The following TENM2 variants were observed in gnomAD, a reference collection of about 807,000 sequenced individuals.
TENM2 encodes the protein teneurin-2.
TENM2 carries 52 observed loss-of-function variants against 245.2 expected under a neutral mutation model. The observed-to-expected ratio is 0.21, with a 90% CI of 0.17 to 0.27. The LOEUF is 0.27. Among genes scored for constraint, TENM2 ranks in the 10% least tolerant of loss-of-function variants. The pLI is 1.00. For synonymous variants in TENM2, 1,363 were observed against 1,438.9 expected, an observed-to-expected ratio of 0.95 and a Z score of 1.19; for missense variants, 3,046 against 3,666.8, an observed-to-expected ratio of 0.83 and a Z score of 4.37.
chr5:167,692,575 A>G (rs1233576641), intron 2 of TENM2, among the ~76,000 whole-genome samples: 1 of 152,214 alleles, frequency 6.6e-6, no homozygotes, highest in Admixed American at 6.5e-5. Flanking sequence ...TATGTTACAG[A>G]CTATAAATTA....
chr5:168,124,907 T>C, exon 11 of TENM2: 5 of 1,613,180 alleles, frequency 3.1e-6, no homozygotes, highest in Non-Finnish European at 4.2e-6. Flanking sequence ...GGAGAATGCC[T>C]GTGCAGCCCT....
the TENM2 span, among the ~76,000 whole-genome samples, chr5:167,125,166 T>C: frequency 6.6e-6 from 1 of 152,148 alleles, no homozygotes; most frequent in African/African-American, 2.4e-5. Flanking sequence ...GAGATGTCAG[T>C]AGAGACATGG....
In TENM2 at chr5:167,610,630, A is replaced by G. The variant is rs1396947060; in HGVS notation, c.502+235157A>G. Among the ~76,000 whole-genome samples, 4 of 152,300 alleles carry G rather than the reference A, an allele frequency of 2.6e-5. No homozygotes were observed. In the East Asian group the frequency reaches 5.8e-4, roughly 22 times the overall value. Reference sequence around the variant, plus strand: ...AGGCTTCTTTTGAATTCACTCTTCCAAGTACTATAATAAGCTAGAGTGATA... The same window carrying G: ...AGGCTTCTTTTGAATTCACTCTTCCGAGTACTATAATAAGCTAGAGTGATA... On this transcript the variant is annotated intron_variant, in intron 2 of 28. Transcript: ENST00000518659.
the TENM2 span, among the ~76,000 whole-genome samples, chr5:167,018,689 A>G: frequency 6.6e-6 from 1 of 152,150 alleles, no homozygotes. Context: ...TGCCACAGAA[A>G]TATTTTGGAA....
At chr5:167,269,428 C>T in the TENM2 span, among the ~76,000 whole-genome samples, 3 of 151,978 alleles carry the variant, frequency 2.0e-5, no homozygotes, top group Admixed American at 6.6e-5. Flanking sequence ...TGTTATCATC[C>T]GTTTCTGGAT....
intron 3 of TENM2, among the ~76,000 whole-genome samples, chr5:167,937,258 T>C (rs1260694945): frequency 6.6e-6 from 1 of 152,276 alleles, no homozygotes; most frequent in African/African-American, 2.4e-5. Context: ...ATTACTATAC[T>C]TTGTTTATTC....
chr5:167,141,871 CA>C, the TENM2 span, among the ~76,000 whole-genome samples: 1 of 152,100 alleles, frequency 6.6e-6, no homozygotes, highest in African/African-American at 2.4e-5. Flanking sequence ...ATAGCAAGGA[CA>C]AAAGGAATTT....
chr5:167,101,940 T>TATATA, the TENM2 span, among the ~76,000 whole-genome samples: 1 of 112,444 alleles, frequency 8.9e-6, no homozygotes, highest in African/African-American at 4.0e-5. Context: ...ATATATATAT[T>TATATA]TTTTTTTTTT....
At chr5:167,273,164 C>T in the TENM2 span, among the ~76,000 whole-genome samples, 5 of 152,132 alleles carry the variant, frequency 3.3e-5, no homozygotes, top group African/African-American at 9.7e-5. Context: ...CAGGCAAGAT[C>T]GCTGTAGTCT....
At chr5:168,250,152 ATGGATGGATGGATGGATGGG>A (rs1766984356) in intron 27 of TENM2, among the ~76,000 whole-genome samples, 1 of 131,470 alleles carries the variant, frequency 7.6e-6, no homozygotes, top group African/African-American at 2.9e-5. Flanking sequence ...GGATGGATGG[ATGGATGGATGGATGGATGGG>A]TAAATAGATG....
At chr5:167,289,813 T>G (rs1197149783) in intron 1 of TENM2, among the ~76,000 whole-genome samples, 1 of 152,218 alleles carries the variant, frequency 6.6e-6, no homozygotes, top group East Asian at 1.9e-4. Flanking sequence ...ACTTTGGAAA[T>G]TGTAAATATT....
intron 6 of TENM2, among the ~76,000 whole-genome samples, chr5:168,056,925 G>C (rs1176556036): frequency 1.3e-5 from 2 of 151,988 alleles, no homozygotes; most frequent in Non-Finnish European, 1.5e-5. Context: ...ATATAGCCTA[G>C]GTATGTAGTA....
At chr5:168,216,884 C>T (rs1293491981) in exon 22 of TENM2, 3 of 1,613,960 alleles carry the variant, frequency 1.9e-6, no homozygotes, top group Non-Finnish European at 2.5e-6. Context: ...CACTGCCGTC[C>T]GGCCGCTGAG....
At chr5:167,942,165 G>A (rs930036858) in intron 3 of TENM2, among the ~76,000 whole-genome samples, 4 of 145,634 alleles carry the variant, frequency 2.7e-5, no homozygotes. Context: ...CCAAGATGGC[G>A]CCACTGCACT....
At chr5:168,101,425 G>A (rs949625795) in intron 9 of TENM2, among the ~76,000 whole-genome samples, 5 of 152,174 alleles carry the variant, frequency 3.3e-5, no homozygotes, top group South Asian at 2.1e-4. Context: ...TACCCCGGCC[G>A]TTTAAGAACC....
chr5:167,618,964 C>T (rs1017821971), intron 2 of TENM2, among the ~76,000 whole-genome samples: 3 of 151,948 alleles, frequency 2.0e-5, no homozygotes, highest in Non-Finnish European at 2.9e-5. Flanking sequence ...GTGAGTACCC[C>T]CTTTTAGAAA....
At chr5:168,184,659 C>G (rs1044524535) in intron 13 of TENM2, among the ~76,000 whole-genome samples, 1 of 152,202 alleles carries the variant, frequency 6.6e-6, no homozygotes, top group Admixed American at 6.5e-5. Flanking sequence ...ATTCACACAG[C>G]CTCCTCCAGG....
chr5:167,547,380 G>A (rs1285822870), intron 2 of TENM2, among the ~76,000 whole-genome samples: 3 of 152,208 alleles, frequency 2.0e-5, no homozygotes, highest in Admixed American at 1.3e-4. Context: ...CTTGGCGGTG[G>A]AATGTGAATA....
chr5:167,905,684 A>G (rs1015845254), intron 3 of TENM2, among the ~76,000 whole-genome samples: 2 of 152,224 alleles, frequency 1.3e-5, no homozygotes, highest in African/African-American at 2.4e-5. Flanking sequence ...TCTTTTGGAC[A>G]AAAGTGGAGA....
Sources: allele counts gnomAD v4.1 joint callset (sites outside exome capture counted in the v4.1 genomes callset), GRCh38; gene constraint gnomAD v4.1.1; transcripts MANE v1.5; gene names NCBI Gene and HGNC (gene_info 2026-07-23, HGNC 2026-07-21).